ZNF33B: variants seen among roughly 807,000 people sequenced by gnomAD.
ZNF33B encodes the protein zinc finger protein 11b (KOX 2).
ZNF33B carries 29 observed loss-of-function variants against 45.8 expected under a neutral mutation model. The observed-to-expected ratio is 0.63, with a 90% confidence interval of 0.47 to 0.86. The LOEUF is 0.86. Among genes scored for constraint, ZNF33B ranks in the 40% least tolerant of loss-of-function variants. The pLI, the probability that ZNF33B is intolerant of heterozygous loss-of-function variation, is 0.00. For missense variants in ZNF33B, 831 were observed against 909.9 expected, an observed-to-expected ratio of 0.91 and a Z score of 1.12; for synonymous variants, 305 against 307.8, an observed-to-expected ratio of 0.99 and a Z score of 0.10.
Position 42,592,396 on chromosome 10 carries a change from C to G in ZNF33B, c.*217G>C. ...CTGTGAGGTTTTATGCCAGTATTAA[C>G]CATCTGATATTCAACAGAATATCAC... is the stretch of plus-strand genomic sequence containing the variant. On this transcript the variant is annotated 3_prime_UTR_variant, in exon 5 of 5. Coordinates refer to ENST00000359467, the MANE Select transcript of ZNF33B (RefSeq NM_006955.3). The G allele has an allele frequency of 1.4e-6, 1 of 716,940 alleles. No homozygotes were observed. The highest frequency in any genetic ancestry group is 2.1e-6 in the Non-Finnish European group (1 of 479,152). 44.4% of individuals were successfully genotyped at this position (716,940 alleles called of 1,614,324 possible).
At chr10:42,635,919 A>C (rs1839280624) in intron 2 of ZNF33B, among the ~76,000 whole-genome samples, 1 of 151,954 alleles carries the variant, frequency 6.6e-6, no homozygotes, top group South Asian at 2.1e-4. Context: ...TCACGACGTC[A>C]AGATATCGAG....
chr10:42,629,873 G>GT (rs1564526865), intron 4 of ZNF33B, among the ~76,000 whole-genome samples: 1 of 152,102 alleles, frequency 6.6e-6, no homozygotes, highest in African/African-American at 2.4e-5. Context: ...ATGTACATAT[G>GT]TAAGTTATCA....
chr10:42,622,779 A>T (rs1006353380), intron 4 of ZNF33B, among the ~76,000 whole-genome samples: 8 of 152,196 alleles, frequency 5.3e-5, no homozygotes, highest in African/African-American at 1.9e-4. Flanking sequence ...ATGCTGGGTT[A>T]ACTGGATTTC....
intron 4 of ZNF33B, among the ~76,000 whole-genome samples, chr10:42,613,345 C>T (rs902505003): frequency 9.2e-5 from 14 of 151,916 alleles, no homozygotes; most frequent in African/African-American, 3.4e-4. Flanking sequence ...ATCAGGAGTT[C>T]GTGACCAGCC....
At chr10:42,638,162 G>T (rs1406491748) in intron 1 of ZNF33B, among the ~76,000 whole-genome samples, 4 of 152,212 alleles carry the variant, frequency 2.6e-5, no homozygotes, top group African/African-American at 9.6e-5. Context: ...CTAGCACATG[G>T]GCGTAAACAC....
In ZNF33B at chr10:42,579,086, C is replaced by T. The variant is rs527748343; in HGVS notation, c.74-4408G>A. Among the ~76,000 whole-genome samples, 3 of 152,298 alleles carry T rather than the reference C, an allele frequency of 2.0e-5. No individual in the cohort carries two copies. In the South Asian group the frequency reaches 6.2e-4, roughly 32 times the overall value. ...CGGGGGATGCAAGGCCATTCACTCT[C>T]CTCTTCAGATATAAACACTGGGACT... On this transcript the variant is annotated intron_variant, in intron 1 of 1. Coordinates refer to the ZNF33B transcript ENST00000462075.
At position 42,592,965 on chromosome 10, in the gene ZNF33B, T is replaced by C; in HGVS notation, c.1985A>G (p.Glu662Gly). 6.2e-7 allele frequency: 1 copy of C among 1,613,892 alleles called. No individual in the cohort carries two copies. The highest frequency in any genetic ancestry group is 8.5e-7 in the Non-Finnish European group (1 of 1,179,956). Residue 662 changes from glutamate to glycine, a missense_variant, in exon 5 of 5, where the codon GAA (glutamate) becomes GGA (glycine). Physicochemically the swap from Glu to Gly is moderately conservative, Grantham distance 98 (BLOSUM62 -2). Transcript: ENST00000359467. ...ACATTCGTTACATTTATAAGGCTTT[T>C]CTTGTGTATGGGTTCTCTGATGTAC... ...LIVHQRTHTQ[E>G]KPYKCNECGK...
intron 1 of ZNF33B, chr10:42,582,011 G>A (rs573600599): frequency 1.7e-4 from 26 of 152,444 alleles, no homozygotes; most frequent in African/African-American, 5.3e-4. Flanking sequence ...AGCTACTCAG[G>A]AGGCTAAGGC....
At chr10:42,628,353 T>C (rs1266668329) in intron 4 of ZNF33B, among the ~76,000 whole-genome samples, 1 of 152,306 alleles carries the variant, frequency 6.6e-6, no homozygotes, top group Non-Finnish European at 1.5e-5. Context: ...TTCAGTCCTG[T>C]TGGCTGATGT....
intron 4 of ZNF33B, among the ~76,000 whole-genome samples, chr10:42,617,295 G>C (rs1447221828): frequency 1.3e-5 from 2 of 151,016 alleles, no homozygotes; most frequent in African/African-American, 4.9e-5. Flanking sequence ...GTAGAGATGG[G>C]GTTTCACCAT....
At position 42,592,929 on chromosome 10, in the gene ZNF33B, A is replaced by AG. The variant is rs1837203289; in HGVS notation, c.2020_2021insC (p.Phe674SerfsTer11). On this transcript the variant is annotated frameshift_variant, in exon 5 of 5. Transcript: ENST00000359467. LOFTEE classifies it high-confidence loss of function. ...TAAAATAAGTCCTGACTTCACACAG[A>AG]AAGATTTTCCACATTCGTTACATTT... is the stretch of plus-strand genomic sequence containing the variant. 1 of 1,613,698 alleles carries AG rather than the reference A, an allele frequency of 6.2e-7. No individual in the cohort carries two copies. The highest frequency in any genetic ancestry group is 1.7e-5 in the Admixed American group (1 of 59,970).
chr10:42,595,832 T>C (rs1837378463), intron 4 of ZNF33B, among the ~76,000 whole-genome samples: 1 of 152,190 alleles, frequency 6.6e-6, no homozygotes, highest in Admixed American at 6.5e-5. Flanking sequence ...ACCTTGACTT[T>C]AGAATTACAG....
chr10:42,586,164 T>TC (rs984322754), downstream of ZNF33B, among the ~76,000 whole-genome samples: 1 of 150,008 alleles, frequency 6.7e-6, no homozygotes, highest in Admixed American at 6.6e-5. Flanking sequence ...TTTTTTTTTT[T>TC]TTTTTTTGAG....
chr10:42,593,281 C>G lies in ZNF33B; in HGVS notation c.1669G>C (p.Glu557Gln), dbSNP rs752953574. ...TTATGGCTAAAGAATTTCCCACATT[C>G]AGGACATGCAAAGGGTTTCTCCCCT... ...HTGEKPFACP[E>Q]CGKFFSHKST... is the part of the protein sequence containing the mutation. The change falls in exon 5 of 5, where the codon GAA becomes CAA. Residue 557 changes from glutamate (E) to glutamine (Q), a missense_variant. By Grantham distance (29) the Glu-to-Gln change is conservative. Transcript: ENST00000359467. 219 of 1,613,958 alleles carry G rather than the reference C, an allele frequency of 1.4e-4. No individual in the cohort carries two copies. The highest frequency in any genetic ancestry group is 1.8e-4 in the Non-Finnish European group (213 of 1,179,996).
At chr10:42,636,548 A>C (rs1252155631) in intron 2 of ZNF33B, among the ~76,000 whole-genome samples, 1 of 152,234 alleles carries the variant, frequency 6.6e-6, no homozygotes, top group African/African-American at 2.4e-5. Flanking sequence ...TTGGCCAGGC[A>C]CGGTGGCTCA....
intron 4 of ZNF33B, among the ~76,000 whole-genome samples, chr10:42,621,238 G>A (rs1442947643): frequency 5.9e-5 from 9 of 151,864 alleles, no homozygotes; most frequent in African/African-American, 2.2e-4. Flanking sequence ...AGGATGAGTG[G>A]GGAGGATCAC....
At chr10:42,580,853 C>T (rs1306486093) in intron 1 of ZNF33B, among the ~76,000 whole-genome samples, 1 of 151,662 alleles carries the variant, frequency 6.6e-6, no homozygotes, top group Non-Finnish European at 1.5e-5. Flanking sequence ...AAGATCGCGC[C>T]ACTGCACTCC....
intron 1 of ZNF33B, among the ~76,000 whole-genome samples, chr10:42,576,986 A>G (rs768296827): frequency 3.9e-5 from 6 of 152,084 alleles, no homozygotes; most frequent in Non-Finnish European, 8.8e-5. Flanking sequence ...TACAAAAACT[A>G]GCCAGCTGTG....
At chr10:42,616,336 A>T (rs1021855887) in intron 4 of ZNF33B, among the ~76,000 whole-genome samples, 12 of 152,208 alleles carry the variant, frequency 7.9e-5, no homozygotes, top group Non-Finnish European at 1.8e-4. Flanking sequence ...CAGTATGTGA[A>T]TTATATCTCA....
Sources: gnomAD v4.1 joint callset for allele counts (sites outside exome capture counted in the v4.1 genomes callset) on GRCh38, gnomAD v4.1.1 for gene constraint, MANE v1.5 for transcripts, NCBI Gene and HGNC (gene_info 2026-07-23, HGNC 2026-07-21) for gene names.